LARS1: variants seen among roughly 807,000 people sequenced by gnomAD.
The protein encoded by LARS1 is leucyl-tRNA synthetase 1.
In LARS1, 100 loss-of-function variants were observed where a neutral mutation model predicts 162.8. The ratio of observed to expected loss-of-function variants is 0.61; its 90% CI spans 0.52 to 0.73. The LOEUF (loss-of-function observed/expected upper bound fraction) is 0.73, where lower values mean the gene tolerates loss of function less well. LARS1 is among the 30% of genes least tolerant of loss of function. The pLI is 0.00. For missense variants in LARS1, 1,258 were observed against 1,408.9 expected (o/e 0.89, Z 1.71); for synonymous variants, 457 against 462.8 (o/e 0.99, Z 0.16).
chr5:146,121,508 T>C (rs1751816432), intron 30 of LARS1, among the ~76,000 whole-genome samples: 1 of 152,106 alleles, frequency 6.6e-6, no homozygotes, highest in African/African-American at 2.4e-5. Flanking sequence ...ACCATTCTAC[T>C]ATAAAGACAC....
At chr5:146,156,693 CA>C (rs66505764) in intron 10 of LARS1, among the ~76,000 whole-genome samples, 32,896 of 116,282 alleles carry the variant, frequency 0.28, 4,553 homozygotes, top group Admixed American at 0.41. Flanking sequence ...AAACTGTCTA[CA>C]AAAAAAAAAA....
rs1581039810 is a variant in LARS1 at position 146,143,629 on chromosome 5, T to C, written c.1739-79A>G. On this transcript the variant is annotated intron_variant, in intron 18 of 31. Coordinates refer to ENST00000394434, the MANE Select transcript of LARS1 (RefSeq NM_020117.11). Reference sequence around the variant, plus strand: ...ATCCACATTTTTAAGAAGGGGGCTATAACATTTACAAAGCTACTTATTTAG... The same window carrying C: ...ATCCACATTTTTAAGAAGGGGGCTACAACATTTACAAAGCTACTTATTTAG... 5 of 1,291,846 alleles carry C rather than the reference T, an allele frequency of 3.9e-6. No homozygotes were observed. The South Asian group carries it at 4.3e-5, about 11-fold the overall frequency. 80.0% of individuals were successfully genotyped at this position (1,291,846 alleles called of 1,614,324 possible). A position where few individuals can be genotyped will look rare whatever the true frequency, so the allele number is the denominator to read the frequency against.
intron 21 of LARS1, chr5:146,137,704 C>G (rs1752574985): frequency 5.0e-6 from 1 of 200,548 alleles, no homozygotes; most frequent in Non-Finnish European, 1.0e-5. Context: ...CTCTTCCCAT[C>G]ATCTTGGATC....
At chr5:146,143,892 C>T (rs528369850) in intron 18 of LARS1, among the ~76,000 whole-genome samples, 1 of 152,218 alleles carries the variant, frequency 6.6e-6, no homozygotes, top group South Asian at 2.1e-4. Context: ...ATCCCAGCTA[C>T]TCGGGAGGTT....
In LARS1 at chr5:146,182,547, C is replaced by A; in HGVS notation, c.-54G>T. Reference sequence around the variant, plus strand: ...ACGACAATGACCCTGGCGACCTCCACAAAGGAGTGGTTACCTTTCCCCTCC... The same window carrying A: ...ACGACAATGACCCTGGCGACCTCCAAAAAGGAGTGGTTACCTTTCCCCTCC... On this transcript the variant is annotated 5_prime_UTR_variant, in exon 1 of 32. Coordinates refer to ENST00000394434, the MANE Select transcript of LARS1 (RefSeq NM_020117.11). The A allele has an allele frequency of 6.2e-7, 1 of 1,613,756 alleles. No homozygotes were observed. Among genetic ancestry groups the A allele is most frequent in the Non-Finnish European group, 8.5e-7 (1 of 1,179,698 alleles).
chr5:146,163,282 C>T (rs1271654791), intron 6 of LARS1, among the ~76,000 whole-genome samples: 2 of 152,234 alleles, frequency 1.3e-5, no homozygotes, highest in Non-Finnish European at 2.9e-5. Context: ...AATGTTGTGG[C>T]TGGTTTGATC....
rs1157869772 is a variant in LARS1, at chr5:146,129,118, G to C, written c.2629C>G (p.Pro877Ala). 1.9e-6 allele frequency: 3 copies of C among 1,566,940 alleles called. No homozygotes were observed. Among genetic ancestry groups the C allele is most frequent in the Non-Finnish European group, 2.6e-6 (3 of 1,162,190 alleles). ...CEHIWTLLGK[P>A]DSIMNASWPV... Reference sequence around the variant, plus strand: ...CATGAAGCATTCATAATTGAGTCAGGCTTTTAAAAAAAGAAAAACAAAAAA... The same window carrying C: ...CATGAAGCATTCATAATTGAGTCAGCCTTTTAAAAAAAGAAAAACAAAAAA... Residue 877 changes from proline to alanine, a missense_variant and splice_region_variant, in exon 26 of 32, where the codon CCT (proline) becomes GCT (alanine). Coordinates refer to ENST00000394434, the MANE Select transcript of LARS1 (RefSeq NM_020117.11).
chr5:146,176,448 C>CAAA (rs34896615), intron 2 of LARS1, among the ~76,000 whole-genome samples: 6 of 76,966 alleles, frequency 7.8e-5, no homozygotes, highest in African/African-American at 1.9e-4. Context: ...AAGACTGTCT[C>CAAA]AAAAAAAAAA....
At chr5:146,174,447 AATATATATATATATATCCAT>A (rs1418756270) in intron 2 of LARS1, among the ~76,000 whole-genome samples, 1 of 110,458 alleles carries the variant, frequency 9.1e-6, no homozygotes, top group African/African-American at 2.9e-5. Flanking sequence ...CTCTGTCTCA[AATATATATATATATATCCAT>A]ATATATATAT....
chr5:146,157,406 C>T lies in LARS1; in HGVS notation c.1062G>A (p.Gly354=). Residue 354 remains glycine (G), a synonymous_variant, in exon 10 of 32, where the codon GGG becomes GGA. Coordinates refer to ENST00000394434, the MANE Select transcript of LARS1 (RefSeq NM_020117.11). ...AAAAATCTGCTATCCAACTTACCTC[C>T]CCCATTAATTCCTTAACAACAGGCA... The part of the protein sequence containing the change: ...GVVPVVKELM[G]EEILGASLSA... 6.2e-7 allele frequency: 1 copy of T among 1,612,520 alleles called. No homozygotes were observed. The highest frequency in any genetic ancestry group is 8.5e-7 in the Non-Finnish European group (1 of 1,179,094).
intron 31 of LARS1, among the ~76,000 whole-genome samples, chr5:146,116,529 G>A (rs982481418): frequency 2.0e-4 from 30 of 152,252 alleles, no homozygotes; most frequent in African/African-American, 6.7e-4. Flanking sequence ...CCATAGATTC[G>A]TAGAGCTTTC....
intron 14 of LARS1, 35 bp downstream of exon 14, chr5:146,151,826 TA>T (rs762266565): frequency 1.0e-4 from 159 of 1,563,396 alleles, no homozygotes; most frequent in Non-Finnish European, 2.6e-6. Flanking sequence ...GAGCATGGAG[TA>T]AAGCAAATAA....
chr5:146,143,609 C>T (rs1752885352), intron 18 of LARS1, 59 bp from the exon 19 acceptor site: 1 of 1,526,912 alleles, frequency 6.5e-7, no homozygotes, highest in Non-Finnish European at 9.0e-7. Flanking sequence ...ATAGAATCCA[C>T]ATTTTTAAGA....
At position 146,172,780 on chromosome 5, in the gene LARS1, AAAC is replaced by A. The variant is rs772314329; in HGVS notation, c.126-9_126-7del. ...TTACAAAATACTTGCCCTTGCTGCA[AAAC>A]AACAGTATAAAAAAGAAAGTACAGA... On this transcript the variant is annotated splice_region_variant and splice_polypyrimidine_tract_variant and intron_variant, in intron 2 of 31. Coordinates refer to ENST00000394434, the MANE Select transcript of LARS1 (RefSeq NM_020117.11). The A allele has an allele frequency of 1.1e-5, 17 of 1,496,040 alleles. No homozygotes were observed. Among genetic ancestry groups the A allele is most frequent in the Non-Finnish European group, 1.5e-5 (16 of 1,103,364 alleles). The allele number at this position is 1,496,040 out of a possible 1,614,324, so 92.7% of individuals were successfully genotyped here.
At chr5:146,181,688 AC>A (rs1422425270) in intron 1 of LARS1, among the ~76,000 whole-genome samples, 3 of 151,188 alleles carry the variant, frequency 2.0e-5, no homozygotes, top group Non-Finnish European at 4.4e-5. Context: ...CAACTGTACT[AC>A]CCCACCGTAC....
At position 146,133,091 on chromosome 5, in the gene LARS1, G is replaced by T; in HGVS notation, c.2213-10C>A. ...AGAGCCAAACGCATTCCTGGAAGAAGAAAAAAAAATTCAATGCATTAAAAA... is the reference window on the plus strand; with the variant it reads ...AGAGCCAAACGCATTCCTGGAAGAATAAAAAAAAATTCAATGCATTAAAAA... On this transcript the variant is annotated splice_polypyrimidine_tract_variant and intron_variant, in intron 22 of 31. Transcript: ENST00000394434. 2 of 1,595,640 alleles carry T rather than the reference G, an allele frequency of 1.3e-6. No individual in the cohort carries two copies. The highest frequency in any genetic ancestry group is 1.7e-6 in the Non-Finnish European group (2 of 1,172,148).
intron 13 of LARS1, 147 bp downstream of exon 13, chr5:146,153,027 G>A: frequency 5.4e-6 from 3 of 555,214 alleles, no homozygotes; most frequent in Non-Finnish European, 9.2e-6. Flanking sequence ...TACCATAGCA[G>A]GTATCAAATT....
At chr5:146,172,805 C>A in intron 2 of LARS1, 31 bp from the exon 3 acceptor site, 1 of 1,248,306 alleles carries the variant, frequency 8.0e-7, no homozygotes. Context: ...AAAGAAAGTA[C>A]AGAAGAATAA....
chr5:146,129,195 T>C, intron 25 of LARS1, 77 bp from the exon 26 acceptor site: 1 of 1,273,522 alleles, frequency 7.9e-7, no homozygotes, highest in Non-Finnish European at 1.1e-6. Context: ...TGATTATAGT[T>C]TCATACCAAG....
Sources: allele counts gnomAD v4.1 joint callset (sites outside exome capture counted in the v4.1 genomes callset), GRCh38; gene constraint gnomAD v4.1.1; transcripts MANE v1.5; gene names NCBI Gene and HGNC (gene_info 2026-07-23, HGNC 2026-07-21).